ALK: variants seen among roughly 807,000 people sequenced by gnomAD.
ALK encodes the protein ALK tyrosine kinase receptor.
Under a neutral mutation model 163.1 loss-of-function variants are expected in ALK, and 74 were observed. The observed-to-expected ratio is 0.45, with a 90% confidence interval of 0.38 to 0.55. The LOEUF (loss-of-function observed/expected upper bound fraction) is 0.55. Ranked by LOEUF, ALK falls within the 20% of genes least tolerant of loss-of-function variation. The pLI is 0.00. For synonymous variants in ALK, 960 were observed against 843.2 expected (o/e 1.14, Z -2.40); for missense variants, 2,063 against 2,105.3 (o/e 0.98, Z 0.39).
intron 1 of ALK, among the ~76,000 whole-genome samples, chr2:29,743,848 C>T (rs1680130258): frequency 6.6e-6 from 1 of 151,836 alleles, no homozygotes; most frequent in African/African-American, 2.4e-5. Flanking sequence ...ATGAGAATTG[C>T]TAGACAATTG....
intron 3 of ALK, among the ~76,000 whole-genome samples, chr2:29,659,871 TA>T (rs1677299598): frequency 6.6e-6 from 1 of 152,156 alleles, no homozygotes; most frequent in Non-Finnish European, 1.5e-5. Flanking sequence ...TGCTGTACTT[TA>T]CCTTCTTTCC....
chr2:29,226,789 G>T, intron 18 of ALK, 133 bp downstream of exon 18: 1 of 1,122,804 alleles, frequency 8.9e-7, no homozygotes, highest in South Asian at 1.3e-5. Context: ...CACTCGAGCT[G>T]TGGCAGGTAG....
intron 4 of ALK, among the ~76,000 whole-genome samples, chr2:29,436,417 G>A (rs557772680): frequency 6.6e-6 from 1 of 152,244 alleles, no homozygotes; most frequent in South Asian, 2.1e-4. Flanking sequence ...CCAGGGGACT[G>A]GTTTTATAAC....
At chr2:29,462,058 C>T (rs137897905) in intron 4 of ALK, among the ~76,000 whole-genome samples, 2 of 152,076 alleles carry the variant, frequency 1.3e-5, no homozygotes, top group East Asian at 3.9e-4. Context: ...GTAGAAACAG[C>T]CAGAGAAGTA....
intron 2 of ALK, among the ~76,000 whole-genome samples, chr2:29,705,580 T>C (rs1220870388): frequency 2.0e-5 from 3 of 151,954 alleles, no homozygotes; most frequent in Non-Finnish European, 2.9e-5. Context: ...TGGGGAGGCA[T>C]TGCAGGGAGT....
At chr2:29,520,673 A>C (rs1367410907) in intron 4 of ALK, among the ~76,000 whole-genome samples, 1 of 152,182 alleles carries the variant, frequency 6.6e-6, no homozygotes, top group Non-Finnish European at 1.5e-5. Context: ...ATGGTCGGGA[A>C]GGTGAGGGAA....
At chr2:29,660,431 T>C (rs1035067318) in intron 3 of ALK, among the ~76,000 whole-genome samples, 3 of 152,116 alleles carry the variant, frequency 2.0e-5, no homozygotes, top group African/African-American at 7.2e-5. Flanking sequence ...AAGGCCCCTC[T>C]TGAGGAAATC....
At chr2:29,840,933 T>A (rs1665680485) in intron 1 of ALK, among the ~76,000 whole-genome samples, 1 of 152,212 alleles carries the variant, frequency 6.6e-6, no homozygotes, top group Non-Finnish European at 1.5e-5. Context: ...GTCTTTTAGA[T>A]ACGGCTACTG....
chr2:29,869,229 A>T (rs1666515858), intron 1 of ALK, among the ~76,000 whole-genome samples: 1 of 152,236 alleles, frequency 6.6e-6, no homozygotes. Flanking sequence ...ACCATATAAC[A>T]AGAGATAACT....
At chr2:29,690,247 A>T (rs1353031576) in intron 3 of ALK, among the ~76,000 whole-genome samples, 2 of 152,174 alleles carry the variant, frequency 1.3e-5, no homozygotes, top group Admixed American at 6.5e-5. Flanking sequence ...TGATGAACAG[A>T]AGAACCTCAG....
intron 1 of ALK, among the ~76,000 whole-genome samples, chr2:29,788,953 C>T (rs1209501914): frequency 6.6e-6 from 1 of 151,074 alleles, no homozygotes; most frequent in Admixed American, 6.6e-5. Flanking sequence ...CTTCCTTCCA[C>T]CACCAACTTT....
At chr2:29,239,881 C>T in intron 12 of ALK, 51 bp from the exon 13 acceptor site, 1 of 1,585,206 alleles carries the variant, frequency 6.3e-7, no homozygotes, top group Non-Finnish European at 8.6e-7. Context: ...AAGACTGTCC[C>T]CCTTCCTGCC....
At position 29,857,623 on chromosome 2, in the gene ALK, C is replaced by T. The variant is rs77954146; in HGVS notation, c.667+62370G>A. ...GCAAGAGCATGAAGGGTGGTATGACCGATGTCAACAAAATCATGCATGTAA... is the reference window on the plus strand; with the variant it reads ...GCAAGAGCATGAAGGGTGGTATGACTGATGTCAACAAAATCATGCATGTAA... On this transcript the variant is annotated intron_variant, in intron 1 of 28. Coordinates refer to ENST00000389048, the MANE Select transcript of ALK (RefSeq NM_004304.5). Among the ~76,000 whole-genome samples, 1,095 of 152,156 alleles carry T rather than the reference C, an allele frequency of 7.2e-3. 12 individuals are homozygous for T. Among genetic ancestry groups the T allele is most frequent in the African/African-American group, 0.025 (1,027 of 41,498 alleles).
At chr2:29,846,502 G>A (rs1031398373) in intron 1 of ALK, among the ~76,000 whole-genome samples, 10 of 152,220 alleles carry the variant, frequency 6.6e-5, no homozygotes, top group African/African-American at 2.4e-4. Context: ...CTGGCACGCA[G>A]CAGGCATGTA....
At chr2:29,425,709 G>A (rs759334856) in intron 4 of ALK, among the ~76,000 whole-genome samples, 1 of 152,142 alleles carries the variant, frequency 6.6e-6, no homozygotes, top group Non-Finnish European at 1.5e-5. Context: ...TTTTGCCCAG[G>A]GAGAGAAGAA....
At chr2:29,505,610 G>A (rs1672297229) in intron 4 of ALK, among the ~76,000 whole-genome samples, 3 of 152,062 alleles carry the variant, frequency 2.0e-5, no homozygotes, top group Non-Finnish European at 4.4e-5. Context: ...CCCTGAAACT[G>A]GGCTCCTGGT....
At chr2:29,863,417 C>T (rs1417376850) in intron 1 of ALK, among the ~76,000 whole-genome samples, 1 of 152,072 alleles carries the variant, frequency 6.6e-6, no homozygotes, top group African/African-American at 2.4e-5. Flanking sequence ...ACTCAAACAA[C>T]TTAATAGTAA....
intron 4 of ALK, among the ~76,000 whole-genome samples, chr2:29,487,246 A>G (rs1269502425): frequency 1.3e-5 from 2 of 152,200 alleles, no homozygotes; most frequent in Admixed American, 1.3e-4. Context: ...ATGACCATGT[A>G]GGGGAGCTTG....
Position 29,497,004 on chromosome 2 carries a change from C to T in ALK, c.1154+34911G>A, listed in dbSNP as rs138017725. ...ATCCTGATGAGGCCAGGCATGGTGG[C>T]TCACGCCTGTAATCCCAGCACTTTG... is the stretch of plus-strand genomic sequence containing the variant. On this transcript the variant is annotated intron_variant, in intron 4 of 28. Transcript: ENST00000389048. Among the ~76,000 whole-genome samples the T allele has an allele frequency of 9.1e-3, 1,383 of 152,300 alleles. 13 individuals are homozygous for T. The highest frequency in any genetic ancestry group is 0.011 in the Non-Finnish European group (776 of 68,022).
Sources: allele counts gnomAD v4.1 joint callset (sites outside exome capture counted in the v4.1 genomes callset), GRCh38; gene constraint gnomAD v4.1.1; transcripts MANE v1.5; gene names NCBI Gene and HGNC (gene_info 2026-07-23, HGNC 2026-07-21).